PREP: variants seen among roughly 807,000 people sequenced by gnomAD.
The protein encoded by PREP is dJ355L5.1 (prolyl endopeptidase).
In PREP, 29 loss-of-function variants were observed where a neutral mutation model predicts 87.6. The observed-to-expected ratio is 0.33, with a 90% confidence interval of 0.25 to 0.45. PREP has a LOEUF of 0.45. Ranked by LOEUF, PREP falls within the 20% of genes least tolerant of loss-of-function variation. The pLI, the probability that PREP is intolerant of heterozygous loss-of-function variation, is 1.00. For synonymous variants in PREP, 337 were observed against 328.6 expected (o/e 1.03, Z -0.28); for missense variants, 695 against 886.5 (o/e 0.78, Z 2.74).
chr6:105,291,456 T>TG (rs1262069164), intron 10 of PREP, among the ~76,000 whole-genome samples: 1 of 152,192 alleles, frequency 6.6e-6, no homozygotes, highest in Non-Finnish European at 1.5e-5. Flanking sequence ...GTCAGTGGGC[T>TG]GGGGAAGACA....
chr6:105,320,536 C>G (rs1770976423), intron 10 of PREP, among the ~76,000 whole-genome samples: 1 of 152,224 alleles, frequency 6.6e-6, no homozygotes, highest in African/African-American at 2.4e-5. Context: ...CCTTCTCCTT[C>G]TCCTTGGCTG....
chr6:105,382,091 T>G (rs1772855702), intron 2 of PREP, among the ~76,000 whole-genome samples: 1 of 152,020 alleles, frequency 6.6e-6, no homozygotes, highest in African/African-American at 2.4e-5. Flanking sequence ...TTATATGTTT[T>G]ATTTAAAGGA....
chr6:105,314,486 TTTCAACAA>T (rs1770820325), intron 10 of PREP, among the ~76,000 whole-genome samples: 1 of 152,264 alleles, frequency 6.6e-6, no homozygotes, highest in East Asian at 1.9e-4. Flanking sequence ...TTTGTTGTCA[TTTCAACAA>T]TGTTCACAGC....
In PREP at chr6:105,275,870, G is replaced by A. The variant is rs1192544314; in HGVS notation, c.*2274C>T. 1.3e-5 allele frequency among the ~76,000 whole-genome samples: 2 copies of A among 152,202 alleles called. No individual in the cohort carries two copies. The highest frequency in any genetic ancestry group is 4.8e-5 in the African/African-American group (2 of 41,454). Reference sequence around the variant, plus strand: ...TATCCCATGTTCTCCACTCATGTGGGAGCTAAAAAAGCAGGCAGAGAAAGG... The same window carrying A: ...TATCCCATGTTCTCCACTCATGTGGAAGCTAAAAAAGCAGGCAGAGAAAGG... On this transcript the variant is annotated 3_prime_UTR_variant, in exon 15 of 15. Coordinates refer to ENST00000652536, the MANE Select transcript of PREP (RefSeq NM_002726.5).
chr6:105,332,601 T>C (rs188418474), intron 8 of PREP, among the ~76,000 whole-genome samples: 2 of 152,316 alleles, frequency 1.3e-5, no homozygotes, highest in Non-Finnish European at 2.9e-5. Context: ...AGTAACCTCA[T>C]TGGCCTAATA....
intron 5 of PREP, among the ~76,000 whole-genome samples, chr6:105,371,122 G>A (rs1011235693): frequency 6.6e-6 from 1 of 152,208 alleles, no homozygotes; most frequent in Non-Finnish European, 1.5e-5. Context: ...ATATGTGGGG[G>A]CAGGAGGCAC....
intron 10 of PREP, among the ~76,000 whole-genome samples, chr6:105,293,601 TAAAAAA>T (rs199738673): frequency 3.8e-5 from 5 of 130,502 alleles, no homozygotes; most frequent in Non-Finnish European, 8.4e-5. Flanking sequence ...CTTCAATTTG[TAAAAAA>T]AAAAAAAAAA....
intron 6 of PREP, among the ~76,000 whole-genome samples, chr6:105,367,937 G>A (rs117417355): frequency 1.4e-5 from 2 of 143,552 alleles, no homozygotes; most frequent in African/African-American, 2.9e-5. Flanking sequence ...ATCCAGCCCA[G>A]TGGCAGCAGT....
At chr6:105,321,620 T>G (rs374450088) in intron 10 of PREP, among the ~76,000 whole-genome samples, 9 of 151,904 alleles carry the variant, frequency 5.9e-5, no homozygotes, top group Admixed American at 2.6e-4. Context: ...ATTATCAGAA[T>G]AGGAAAAAAA....
intron 8 of PREP, among the ~76,000 whole-genome samples, chr6:105,331,853 G>A (rs757710952): frequency 6.6e-6 from 1 of 152,132 alleles, no homozygotes; most frequent in Non-Finnish European, 1.5e-5. Flanking sequence ...GTTCTTGCCT[G>A]TAAGTCCCCC....
At chr6:105,297,606 G>A (rs761481605) in intron 10 of PREP, among the ~76,000 whole-genome samples, 3 of 152,140 alleles carry the variant, frequency 2.0e-5, no homozygotes, top group African/African-American at 4.8e-5. Flanking sequence ...TTCTGTAGTG[G>A]GATGCCAAAG....
At chr6:105,335,336 T>G (rs1023961681) in intron 7 of PREP, among the ~76,000 whole-genome samples, 1 of 152,218 alleles carries the variant, frequency 6.6e-6, no homozygotes, top group Non-Finnish European at 1.5e-5. Context: ...GCTACACTAA[T>G]TTGGGTAGTT....
chr6:105,382,050 G>T (rs1181768985), intron 2 of PREP, among the ~76,000 whole-genome samples: 1 of 151,812 alleles, frequency 6.6e-6, no homozygotes, highest in Non-Finnish European at 1.5e-5. Flanking sequence ...AATAAGCCAG[G>T]CACGGAAAGA....
intron 10 of PREP, among the ~76,000 whole-genome samples, chr6:105,311,162 G>A (rs1770753548): frequency 6.6e-6 from 1 of 152,146 alleles, no homozygotes; most frequent in Non-Finnish European, 1.5e-5. Context: ...ATGTCCATCT[G>A]CTCTCTCTGC....
chr6:105,282,527 C>G lies in PREP; in HGVS notation c.1605G>C (p.Glu535Asp). Residue 535 changes from glutamate (E) to aspartate (D), a missense_variant, in exon 13 of 15, where the codon GAG becomes GAC. Physicochemically the swap from Glu to Asp is conservative, Grantham distance 45. Transcript: ENST00000652536. ...ATGTGTAACCTTCCTTGATCAGATA[C>G]TCAGCAGCACACTGAAAGTCATCAA... ...NCFDDFQCAA[E>D]YLIKEGYTSP... 4 of 1,614,190 alleles carry G rather than the reference C, an allele frequency of 2.5e-6. No homozygotes were observed. Among genetic ancestry groups the G allele is most frequent in the Non-Finnish European group, 3.4e-6 (4 of 1,180,028 alleles).
rs552402389 is a variant in PREP at position 105,307,930 on chromosome 6, G to C, written c.1317+15735C>G. Among the ~76,000 whole-genome samples, 469 of 152,186 alleles carry C rather than the reference G, an allele frequency of 3.1e-3. 5 individuals are homozygous for C. Among genetic ancestry groups the C allele is most frequent in the Middle Eastern group, 0.017 (5 of 294 alleles). On this transcript the variant is annotated intron_variant, in intron 10 of 14. Transcript: ENST00000652536. Reference sequence around the variant, plus strand: ...GCCCGGCCACACTCAGTCATTCTTAGACACTTACTGTGATTTCTCACTTGA... The same window carrying C: ...GCCCGGCCACACTCAGTCATTCTTACACACTTACTGTGATTTCTCACTTGA...
chr6:105,351,276 C>A (rs114109764), intron 7 of PREP, among the ~76,000 whole-genome samples: 15 of 152,192 alleles, frequency 9.9e-5, no homozygotes, highest in Admixed American at 9.8e-4. Context: ...AGAGCTGAGG[C>A]TTCCCTGGAG....
intron 11 of PREP, among the ~76,000 whole-genome samples, chr6:105,287,647 G>C (rs1021034984): frequency 6.6e-6 from 1 of 152,166 alleles, no homozygotes; most frequent in Non-Finnish European, 1.5e-5. Context: ...ACAGATGGTT[G>C]AATCTATTCT....
chr6:105,353,839 T>TA (rs1772024338), intron 6 of PREP, among the ~76,000 whole-genome samples: 1 of 151,776 alleles, frequency 6.6e-6, no homozygotes, highest in Non-Finnish European at 1.5e-5. Flanking sequence ...TGGTTCACAC[T>TA]GGTCACATTG....
Sources: gnomAD v4.1 joint callset for allele counts (sites outside exome capture counted in the v4.1 genomes callset) on GRCh38, gnomAD v4.1.1 for gene constraint, MANE v1.5 for transcripts, NCBI Gene and HGNC (gene_info 2026-07-23, HGNC 2026-07-21) for gene names.